The following RANBP2 variants were observed in gnomAD, a reference collection of about 807,000 sequenced individuals.
RANBP2 encodes the protein RAN binding protein 2, also known as E3 SUMO-protein ligase RanBP2.
Under a neutral mutation model 303.6 loss-of-function variants are expected in RANBP2, and 57 were observed. The ratio of observed to expected loss-of-function variants is 0.19; its 90% CI spans 0.15 to 0.23. RANBP2 has a LOEUF of 0.23. Among genes scored for constraint, RANBP2 ranks in the 10% least tolerant of loss-of-function variants. The pLI is 1.00. For synonymous variants in RANBP2, 1,167 were observed against 1,301.5 expected (o/e 0.90, Z 2.23); for missense variants, 3,138 against 3,780.8 (o/e 0.83, Z 4.46).
At chr2:109,186,295 G>A in the RANBP2 span, among the ~76,000 whole-genome samples, 1 of 152,250 alleles carries the variant, frequency 6.6e-6, no homozygotes, top group Non-Finnish European at 1.5e-5. Context: ...CCTGACTGCA[G>A]CCCTAGTGGC....
the RANBP2 span, chr2:109,585,798 A>C: frequency 6.2e-7 from 1 of 1,613,944 alleles, no homozygotes; most frequent in Non-Finnish European, 8.5e-7. Flanking sequence ...CTCAAAACCA[A>C]CATGGCCAGA....
chr2:109,672,010 C>T, the RANBP2 span, among the ~76,000 whole-genome samples: 1 of 148,774 alleles, frequency 6.7e-6, no homozygotes, highest in Non-Finnish European at 1.5e-5. Flanking sequence ...CTTTCTCCTC[C>T]TCCTCCTCGT....
chr2:109,398,703 A>G, the RANBP2 span: 1 of 1,612,340 alleles, frequency 6.2e-7, no homozygotes, highest in Non-Finnish European at 8.5e-7. Context: ...GCGTGGCCCC[A>G]AGTCCCACTT....
At chr2:109,494,046 G>A in the RANBP2 span, among the ~76,000 whole-genome samples, 38,786 of 151,988 alleles carry the variant, frequency 0.26, 5,306 homozygotes, top group East Asian at 0.5. Context: ...TTGGTCTGCC[G>A]GCTCGTGAGA....
At chr2:109,367,470 C>T in the RANBP2 span, among the ~76,000 whole-genome samples, 4 of 151,868 alleles carry the variant, frequency 2.6e-5, no homozygotes, top group South Asian at 2.1e-4. Flanking sequence ...TTAATAGAAA[C>T]GGGGTTTCAC....
chr2:108,867,762 G>C, the RANBP2 span, among the ~76,000 whole-genome samples: 1 of 152,162 alleles, frequency 6.6e-6, no homozygotes, highest in African/African-American at 2.4e-5. Flanking sequence ...TGAGGGATGG[G>C]CAACTGAAGG....
At chr2:109,460,790 A>G in the RANBP2 span, among the ~76,000 whole-genome samples, 1 of 152,234 alleles carries the variant, frequency 6.6e-6, no homozygotes, top group East Asian at 1.9e-4. Flanking sequence ...CCTATGAATC[A>G]TTAAACAATC....
At chr2:108,794,064 G>T in the RANBP2 span, among the ~76,000 whole-genome samples, 1 of 152,022 alleles carries the variant, frequency 6.6e-6, no homozygotes, top group Non-Finnish European at 1.5e-5. Flanking sequence ...TAAAAGAAGA[G>T]GTTATAGAAA....
intron 9 of RANBP2, 105 bp from the exon 10 acceptor site, chr2:108,751,159 G>GT (rs1675849017): frequency 6.6e-7 from 1 of 1,526,516 alleles, no homozygotes; most frequent in African/African-American, 1.4e-5. Flanking sequence ...TAGAAAAGCA[G>GT]TTATATAATT....
chr2:109,466,741 G>A, the RANBP2 span, among the ~76,000 whole-genome samples: 1 of 152,296 alleles, frequency 6.6e-6, no homozygotes, highest in African/African-American at 2.4e-5. Flanking sequence ...CATTCTGAGT[G>A]TGTGCATTTG....
At chr2:109,676,314 G>T in the RANBP2 span, among the ~76,000 whole-genome samples, 10,432 of 152,240 alleles carry the variant, frequency 0.069, 577 homozygotes, top group East Asian at 0.24. Context: ...CCCAGTGCCC[G>T]CCTCCACTGT....
the RANBP2 span, among the ~76,000 whole-genome samples, chr2:109,268,535 G>A: frequency 3.8e-4 from 58 of 152,254 alleles, no homozygotes; most frequent in Non-Finnish European, 7.4e-4. Context: ...CCCATTGCCC[G>A]ACCACAGGGC....
At chr2:109,419,175 G>T in the RANBP2 span, among the ~76,000 whole-genome samples, 3 of 152,086 alleles carry the variant, frequency 2.0e-5, no homozygotes, top group Non-Finnish European at 4.4e-5. Flanking sequence ...CTGTTTCATA[G>T]CATGAAAGAT....
chr2:109,482,768 T>G, the RANBP2 span, among the ~76,000 whole-genome samples: 1 of 152,190 alleles, frequency 6.6e-6, no homozygotes, highest in East Asian at 1.9e-4. Context: ...GAACAACTGC[T>G]TCACCACTGA....
At chr2:109,206,271 A>G in the RANBP2 span, among the ~76,000 whole-genome samples, 1 of 152,034 alleles carries the variant, frequency 6.6e-6, no homozygotes, top group Non-Finnish European at 1.5e-5. Context: ...TGGGCAGATC[A>G]TGAGGTCAGG....
At chr2:109,232,446 T>C in the RANBP2 span, among the ~76,000 whole-genome samples, 5 of 152,328 alleles carry the variant, frequency 3.3e-5, no homozygotes, top group South Asian at 6.2e-4. Context: ...TCTGCCTATC[T>C]ATCTGTAAAT....
At chr2:109,242,535 G>A in the RANBP2 span, among the ~76,000 whole-genome samples, 1 of 152,172 alleles carries the variant, frequency 6.6e-6, no homozygotes, top group Admixed American at 6.5e-5. Context: ...ATGGCAACAA[G>A]GCCAAGTGGG....
chr2:109,489,799 G>T, the RANBP2 span, among the ~76,000 whole-genome samples: 1 of 152,116 alleles, frequency 6.6e-6, no homozygotes, highest in Non-Finnish European at 1.5e-5. Flanking sequence ...GTGCAGTGGC[G>T]CAATCTCAGC....
At chr2:108,989,815 TG>T in the RANBP2 span, among the ~76,000 whole-genome samples, 20 of 151,030 alleles carry the variant, frequency 1.3e-4, no homozygotes, top group East Asian at 5.8e-4. Context: ...AGTAAATGAT[TG>T]GGGGGGGGAA....
Sources: gnomAD v4.1 joint callset for allele counts (sites outside exome capture counted in the v4.1 genomes callset) on GRCh38, gnomAD v4.1.1 for gene constraint, MANE v1.5 for transcripts, NCBI Gene and HGNC (gene_info 2026-07-23, HGNC 2026-07-21) for gene names.